Variants in KALRN observed in about 807,000 individuals in gnomAD.
KALRN encodes kalirin RhoGEF kinase, also known as kalirin.
Under a neutral mutation model 353.7 loss-of-function variants are expected in KALRN, and 70 were observed. The observed-to-expected ratio is 0.20, with a 90% CI of 0.16 to 0.24. The LOEUF (loss-of-function observed/expected upper bound fraction) is 0.24, where lower values mean the gene tolerates loss of function less well. Ranked by LOEUF, KALRN falls within the 10% of genes least tolerant of loss-of-function variation. The pLI is 1.00. For missense variants in KALRN, 2,791 were observed against 3,756.7 expected, an observed-to-expected ratio of 0.74 and a Z score of 6.72; for synonymous variants, 1,391 against 1,434.8, an observed-to-expected ratio of 0.97 and a Z score of 0.69.
At chr3:124,633,469 C>T (rs774310531) in intron 35 of KALRN, among the ~76,000 whole-genome samples, 3 of 152,214 alleles carry the variant, frequency 2.0e-5, no homozygotes, top group African/African-American at 4.8e-5. Flanking sequence ...TTTTATGCTA[C>T]CTGCCATTTC....
At chr3:124,601,759 G>T (rs1282826834) in intron 34 of KALRN, among the ~76,000 whole-genome samples, 1 of 152,066 alleles carries the variant, frequency 6.6e-6, no homozygotes, top group Non-Finnish European at 1.5e-5. Flanking sequence ...GGCCAGTGTG[G>T]TGGCTCATGC....
At chr3:124,405,638 G>GTTTTTTTTTTTTTTTTTTTTTTTTTTT (rs71145451) in intron 13 of KALRN, among the ~76,000 whole-genome samples, 2 of 83,866 alleles carry the variant, frequency 2.4e-5, no homozygotes, top group Non-Finnish European at 4.5e-5. Flanking sequence ...GGACCTCAGG[G>GTTTTTTTTTTTTTTTTTTTTTTTTTTT]TTTTTTTTTT....
intron 1 of KALRN, among the ~76,000 whole-genome samples, chr3:124,116,229 A>C (rs2063447756): frequency 6.6e-6 from 1 of 152,206 alleles, no homozygotes; most frequent in Non-Finnish European, 1.5e-5. Flanking sequence ...TTTATTAGTC[A>C]TGCAAGGGCC....
chr3:124,441,466 AC>A (rs1376287638), intron 18 of KALRN, among the ~76,000 whole-genome samples: 1 of 152,182 alleles, frequency 6.6e-6, no homozygotes, highest in Non-Finnish European at 1.5e-5. Context: ...GTCTCCATGA[AC>A]CAGTGGTGAC....
At chr3:124,335,853 T>A (rs1174357441) in intron 9 of KALRN, among the ~76,000 whole-genome samples, 1 of 152,224 alleles carries the variant, frequency 6.6e-6, no homozygotes, top group Non-Finnish European at 1.5e-5. Context: ...ATTTATCTAC[T>A]GTATTATATA....
chr3:124,317,747 C>G (rs1235655401), intron 6 of KALRN, among the ~76,000 whole-genome samples: 7 of 132,640 alleles, frequency 5.3e-5, no homozygotes, highest in South Asian at 2.5e-4. Context: ...AAGGCGGGGG[C>G]TGGGGGGGCA....
chr3:124,435,327 C>T (rs2093422895), intron 17 of KALRN, among the ~76,000 whole-genome samples: 2 of 152,158 alleles, frequency 1.3e-5, no homozygotes, highest in Non-Finnish European at 2.9e-5. Context: ...ACTAGAAACA[C>T]ACCAGATAAG....
At chr3:124,665,570 T>A (rs1220259782) in intron 45 of KALRN, among the ~76,000 whole-genome samples, 4 of 152,210 alleles carry the variant, frequency 2.6e-5, no homozygotes, top group African/African-American at 9.6e-5. Context: ...GTTCAAGTGA[T>A]CCTCGTGCCT....
At position 124,188,353 on chromosome 3, in the gene KALRN, C is replaced by G. The variant is rs142095283; in HGVS notation, c.74-39637C>G. ...ACATTCCAGACAGCAAGAAAATAGTCATGAGGGGTGCGCAAGGGTGGTGGA... is the reference window on the plus strand; with the variant it reads ...ACATTCCAGACAGCAAGAAAATAGTGATGAGGGGTGCGCAAGGGTGGTGGA... On this transcript the variant is annotated intron_variant, in intron 1 of 59. Coordinates refer to ENST00000682506, the MANE Select transcript of KALRN (RefSeq NM_001388419.1). 3.0e-3 allele frequency among the ~76,000 whole-genome samples: 455 copies of G among 152,244 alleles called. 1 individual carries two copies. The highest frequency in any genetic ancestry group is 0.01 in the African/African-American group (426 of 41,528).
At chr3:124,684,771 C>A (rs1340290018) in intron 51 of KALRN, among the ~76,000 whole-genome samples, 2 of 152,172 alleles carry the variant, frequency 1.3e-5, no homozygotes, top group Admixed American at 6.5e-5. Flanking sequence ...GGGGGTGTGG[C>A]GGGAATGGCC....
rs529810541 is a variant in KALRN at position 124,587,698 on chromosome 3, C to CTTTTTTT, written c.5182+24628_5182+24634dup. Among the ~76,000 whole-genome samples the CTTTTTTT allele has an allele frequency of 8.7e-4, 66 of 75,850 alleles. 2 individuals are homozygous for CTTTTTTT. Among genetic ancestry groups the CTTTTTTT allele is most frequent in the Admixed American group, 1.5e-3 (10 of 6,580 alleles). 49.8% of individuals were successfully genotyped at this position (75,850 alleles called of 152,430 possible). A position where few individuals can be genotyped will look rare whatever the true frequency, so the allele number is the denominator to read the frequency against. Reference sequence around the variant, plus strand: ...TTTTTCCCTCCACCCCCACCCTCCACTTTTTTTTTTTTTTTTTTTTTTTTT... The same window carrying CTTTTTTT: ...TTTTTCCCTCCACCCCCACCCTCCACTTTTTTTTTTTTTTTTTTTTTTTTTTTTTTTT... On this transcript the variant is annotated intron_variant, in intron 34 of 59. Transcript: ENST00000682506.
intron 34 of KALRN, among the ~76,000 whole-genome samples, chr3:124,611,475 C>A (rs751333344): frequency 6.6e-6 from 1 of 152,122 alleles, no homozygotes; most frequent in Admixed American, 6.5e-5. Flanking sequence ...TCCTATTCAT[C>A]CATATGTAGT....
intron 1 of KALRN, among the ~76,000 whole-genome samples, chr3:124,220,347 C>T (rs1362737043): frequency 6.6e-6 from 1 of 152,018 alleles, no homozygotes; most frequent in Non-Finnish European, 1.5e-5. Context: ...AAAGAGGAGA[C>T]AGGAACATTC....
At chr3:124,238,602 G>A (rs193302535) in intron 3 of KALRN, among the ~76,000 whole-genome samples, 148 of 152,282 alleles carry the variant, frequency 9.7e-4, no homozygotes, top group African/African-American at 3.5e-3. Context: ...CCACCAATAT[G>A]CATCTAAGTG....
intron 34 of KALRN, among the ~76,000 whole-genome samples, chr3:124,564,409 C>T (rs2072527273): frequency 6.6e-6 from 1 of 152,140 alleles, no homozygotes; most frequent in South Asian, 2.1e-4. Flanking sequence ...AAGTTAAAAG[C>T]CAGGTACAGT....
intron 33 of KALRN, among the ~76,000 whole-genome samples, chr3:124,535,136 A>G (rs1172306382): frequency 6.6e-6 from 1 of 152,198 alleles, no homozygotes; most frequent in Non-Finnish European, 1.5e-5. Context: ...GTGCATGATT[A>G]TATAGTAAAT....
At chr3:124,523,386 T>G (rs977097735) in intron 33 of KALRN, among the ~76,000 whole-genome samples, 1 of 152,236 alleles carries the variant, frequency 6.6e-6, no homozygotes, top group African/African-American at 2.4e-5. Flanking sequence ...CTGCATCAGT[T>G]TCTTCTGCCA....
chr3:124,124,981 C>T (rs1412789141), intron 1 of KALRN, among the ~76,000 whole-genome samples: 2 of 152,072 alleles, frequency 1.3e-5, no homozygotes, highest in South Asian at 2.1e-4. Context: ...TATGGTAATG[C>T]GTGGGAGAGG....
intron 1 of KALRN, among the ~76,000 whole-genome samples, chr3:124,066,479 A>G (rs2042370825): frequency 6.6e-6 from 1 of 152,182 alleles, no homozygotes; most frequent in East Asian, 1.9e-4. Flanking sequence ...AGGTTTAATG[A>G]AAGGACTCTT....
Sources: allele counts gnomAD v4.1 joint callset (sites outside exome capture counted in the v4.1 genomes callset), GRCh38; gene constraint gnomAD v4.1.1; transcripts MANE v1.5; gene names NCBI Gene and HGNC (gene_info 2026-07-23, HGNC 2026-07-21).